DMD: variants seen among roughly 807,000 people sequenced by gnomAD.
DMD encodes dystrophin.
A neutral mutation model predicts 330.1 loss-of-function variants in DMD; 63 were observed. The ratio of observed to expected loss-of-function variants is 0.19; its 90% confidence interval spans 0.16 to 0.24. The LOEUF (loss-of-function observed/expected upper bound fraction) is 0.24, where lower values mean the gene tolerates loss of function less well. Ranked by LOEUF, DMD falls within the 10% of genes least tolerant of loss-of-function variation. DMD has a pLI of 1.00. For synonymous variants in DMD, 1,223 were observed against 959.8 expected, an observed-to-expected ratio of 1.27 and a Z score of -5.07; for missense variants, 3,344 against 2,684.1, an observed-to-expected ratio of 1.25 and a Z score of -5.43.
At position 32,398,446 on chromosome X, in the gene DMD, G is replaced by A. The variant is rs184656301; in HGVS notation, c.4234-8265C>T. Reference sequence around the variant, plus strand: ...GTGGTATATCAACATATTTCTGGAGGAAAAAGTGTCTGTGGCTTCTTATCA... The same window carrying A: ...GTGGTATATCAACATATTTCTGGAGAAAAAAGTGTCTGTGGCTTCTTATCA... On this transcript the variant is annotated intron_variant, in intron 30 of 78. Transcript: ENST00000357033. 5.6e-3 allele frequency among the ~76,000 whole-genome samples: 615 copies of A among 110,526 alleles called. 2 individuals carry two copies. Among genetic ancestry groups the A allele is most frequent in the African/African-American group, 0.017 (515 of 30,580 alleles).
chrX:32,467,197 C>T (rs2040117108), intron 23 of DMD, among the ~76,000 whole-genome samples: 1 of 112,322 alleles, frequency 8.9e-6, no homozygotes, highest in Admixed American at 9.5e-5. Context: ...AACTAAGCAG[C>T]TAGACTGGGA....
At chrX:32,287,781 A>C in intron 42 of DMD, 80 bp from the exon 43 acceptor site, 2 of 671,913 alleles carry the variant, frequency 3.0e-6, no homozygotes, top group Non-Finnish European at 4.2e-6. Context: ...ATATATACAA[A>C]TCCCAAAGGT....
At chrX:31,371,855 T>C (rs889410579) in intron 60 of DMD, among the ~76,000 whole-genome samples, 2 of 112,469 alleles carry the variant, frequency 1.8e-5, no homozygotes, top group Non-Finnish European at 3.7e-5. Context: ...AGAACTCAGG[T>C]ACTGAAGTTG....
intron 11 of DMD, among the ~76,000 whole-genome samples, chrX:32,633,196 G>A (rs2058860489): frequency 9.0e-6 from 1 of 111,272 alleles, no homozygotes; most frequent in African/African-American, 3.3e-5. Context: ...GTTAGAAGTG[G>A]CCACACAACG....
chrX:32,930,422 T>C (rs1476043515), intron 2 of DMD, among the ~76,000 whole-genome samples: 1 of 110,800 alleles, frequency 9.0e-6, no homozygotes, highest in Non-Finnish European at 1.9e-5. Flanking sequence ...GTATTCTACT[T>C]AGAGAAAGAG....
intron 62 of DMD, among the ~76,000 whole-genome samples, chrX:31,271,183 G>A (rs780882930): frequency 4.7e-4 from 52 of 111,673 alleles, no homozygotes; most frequent in Non-Finnish European, 9.0e-4. Context: ...ATTTCAGGAG[G>A]AGGGGGCAGA....
chrX:32,565,978 G>A, intron 15 of DMD, 97 bp from the exon 16 acceptor site: 1 of 781,599 alleles, frequency 1.3e-6, no homozygotes, highest in East Asian at 3.4e-5. Flanking sequence ...CATTTGCATA[G>A]ATAAGAAAAT....
chrX:31,830,562 C>G lies in DMD; in HGVS notation c.7200+6156G>C, dbSNP rs376730667. Among the ~76,000 whole-genome samples the G allele has an allele frequency of 2.1e-4, 24 of 112,259 alleles. No individual in the cohort carries two copies. In the East Asian group the frequency reaches 5.6e-3, roughly 26 times the overall value. On this transcript the variant is annotated intron_variant, in intron 49 of 78. Coordinates refer to ENST00000357033, the MANE Select transcript of DMD (RefSeq NM_004006.3). ...TGAGCCGAGATCGCGCCACCGCACT[C>G]CAGCCTGGGCAACAAGAGCGAAACT... is the stretch of plus-strand genomic sequence containing the variant.
chrX:33,201,991 T>TAAC (rs1439596444), intron 1 of DMD, among the ~76,000 whole-genome samples: 1 of 112,423 alleles, frequency 8.9e-6, no homozygotes, highest in Non-Finnish European at 1.9e-5. Flanking sequence ...TGAAACAAGA[T>TAAC]AACTGTTATG....
chrX:31,613,477 C>T (rs983210405), intron 55 of DMD, among the ~76,000 whole-genome samples: 8 of 111,587 alleles, frequency 7.2e-5, no homozygotes, highest in Non-Finnish European at 9.4e-5. Flanking sequence ...AGGCAATCTA[C>T]CCCAACTGAT....
chrX:32,836,049 T>C lies in DMD; in HGVS notation c.264+8734A>G, dbSNP rs2079591498. Among the ~76,000 whole-genome samples the C allele has an allele frequency of 2.7e-5, 3 of 110,173 alleles. No individual in the cohort carries two copies. The South Asian group carries it at 1.2e-3, about 43-fold the overall frequency. ...GTATTCAAAAAAAAATTTTTTTTTT[T>C]GGAGACAAGTCTTGCTCGATCCCCC... On this transcript the variant is annotated intron_variant, in intron 4 of 78. Transcript: ENST00000357033.
At chrX:31,728,652 G>C (rs1025329789) in intron 52 of DMD, among the ~76,000 whole-genome samples, 4 of 111,871 alleles carry the variant, frequency 3.6e-5, no homozygotes, top group Non-Finnish European at 7.5e-5. Flanking sequence ...TGAAGATATA[G>C]ACTCTCATGG....
At chrX:32,812,173 A>C (rs959503263) in intron 6 of DMD, among the ~76,000 whole-genome samples, 6 of 110,966 alleles carry the variant, frequency 5.4e-5, no homozygotes, top group Non-Finnish European at 7.5e-5. Flanking sequence ...CTACAAAAAA[A>C]CTCTCCATAT....
At chrX:32,887,652 G>T (rs1211439715) in intron 2 of DMD, among the ~76,000 whole-genome samples, 9 of 100,658 alleles carry the variant, frequency 8.9e-5, no homozygotes, top group Non-Finnish European at 1.8e-4. Flanking sequence ...GGAGGCTGAG[G>T]CAGGAGAATC....
chrX:32,844,406 C>CAAA (rs113585554), intron 4 of DMD, among the ~76,000 whole-genome samples: 2 of 74,025 alleles, frequency 2.7e-5, no homozygotes, highest in East Asian at 4.6e-4. Flanking sequence ...GACTCCATCT[C>CAAA]AAAAAAAAAA....
chrX:33,197,954 G>C (rs2051043219), intron 1 of DMD, among the ~76,000 whole-genome samples: 1 of 111,264 alleles, frequency 9.0e-6, no homozygotes, highest in Non-Finnish European at 1.9e-5. Flanking sequence ...TTGCTGGGCT[G>C]TATGGTGACT....
chrX:33,173,377 CA>C (rs2049463901), intron 1 of DMD, among the ~76,000 whole-genome samples: 1 of 111,589 alleles, frequency 9.0e-6, no homozygotes, highest in African/African-American at 3.2e-5. Context: ...GTATTTTCAT[CA>C]AAAGGGTAGT....
At chrX:31,490,008 C>T (rs1051037275) in intron 57 of DMD, among the ~76,000 whole-genome samples, 1 of 111,638 alleles carries the variant, frequency 9.0e-6, no homozygotes, top group African/African-American at 3.3e-5. Context: ...GATGATAAAG[C>T]TAGTTTTCAG....
intron 2 of DMD, among the ~76,000 whole-genome samples, chrX:33,012,956 C>T (rs189834530): frequency 1.8e-5 from 2 of 110,960 alleles, no homozygotes; most frequent in East Asian, 5.7e-4. Flanking sequence ...TTTGGGGTTA[C>T]TAAACATTCA....
Sources: gnomAD v4.1 joint callset for allele counts (sites outside exome capture counted in the v4.1 genomes callset) on GRCh38, gnomAD v4.1.1 for gene constraint, MANE v1.5 for transcripts, NCBI Gene and HGNC (gene_info 2026-07-23, HGNC 2026-07-21) for gene names.